The following ATG5 variants were observed in gnomAD, a reference collection of about 807,000 sequenced individuals.
ATG5 encodes autophagy protein 5.
In ATG5, 14 loss-of-function variants were observed where a neutral mutation model predicts 36.5. The observed-to-expected ratio is 0.38, with a 90% CI of 0.25 to 0.60. ATG5 has a LOEUF of 0.60. Among genes scored for constraint, ATG5 ranks in the 20% least tolerant of loss-of-function variants. The pLI is 0.60. For missense variants in ATG5, 195 were observed against 326.7 expected, an observed-to-expected ratio of 0.60 and a Z score of 3.11; for synonymous variants, 95 against 101.5, an observed-to-expected ratio of 0.94 and a Z score of 0.38.
chr6:106,269,033 A>T (rs1351918024), intron 5 of ATG5, among the ~76,000 whole-genome samples: 1 of 152,154 alleles, frequency 6.6e-6, no homozygotes. Flanking sequence ...GTATCCTAGA[A>T]CTTAAAGTAA....
At chr6:106,301,777 A>G (rs1271580909) in intron 3 of ATG5, among the ~76,000 whole-genome samples, 1 of 152,106 alleles carries the variant, frequency 6.6e-6, no homozygotes, top group Non-Finnish European at 1.5e-5. Flanking sequence ...CTGAAATCTG[A>G]AAGACTCTGG....
chr6:106,213,971 C>T (rs768526948), intron 6 of ATG5, among the ~76,000 whole-genome samples: 3 of 152,048 alleles, frequency 2.0e-5, no homozygotes, highest in Non-Finnish European at 4.4e-5. Flanking sequence ...TAAAAAATAA[C>T]TGGTATTCTA....
rs200079794 is a variant in ATG5, at chr6:106,198,786, AAG to A, written c.691+3184_691+3185del. On this transcript the variant is annotated intron_variant, in intron 7 of 7. Coordinates refer to ENST00000369076, the MANE Select transcript of ATG5 (RefSeq NM_004849.4). ...GCGAGACCCTGTCTGGGAAAAAAAAAAGAGAGAGAGTGAGAAAGAGAGAAAGA... is the reference window on the plus strand; with the variant it reads ...GCGAGACCCTGTCTGGGAAAAAAAAAAGAGAGAGTGAGAAAGAGAGAAAGA... 2.0e-5 allele frequency among the ~76,000 whole-genome samples: 3 copies of A among 151,814 alleles called. No individual in the cohort carries two copies. In the South Asian group the frequency reaches 6.2e-4, roughly 32 times the overall value.
At chr6:106,228,235 C>T (rs955379824) in intron 6 of ATG5, among the ~76,000 whole-genome samples, 1 of 152,166 alleles carries the variant, frequency 6.6e-6, no homozygotes, top group Non-Finnish European at 1.5e-5. Flanking sequence ...TGTTACGGCT[C>T]GAGCTGAGCT....
At chr6:106,233,053 T>C (rs1425240909) in intron 6 of ATG5, among the ~76,000 whole-genome samples, 1 of 152,178 alleles carries the variant, frequency 6.6e-6, no homozygotes, top group African/African-American at 2.4e-5. Flanking sequence ...ATGTGGATGA[T>C]TTTTACTTTT....
chr6:106,301,190 A>G (rs541763064), intron 3 of ATG5, among the ~76,000 whole-genome samples: 18 of 152,218 alleles, frequency 1.2e-4, no homozygotes, highest in African/African-American at 3.4e-4. Context: ...ATTTTGAGTT[A>G]GGCCAGCACT....
At chr6:106,290,864 T>C (rs552604656) in intron 4 of ATG5, among the ~76,000 whole-genome samples, 16 of 152,312 alleles carry the variant, frequency 1.1e-4, no homozygotes, top group South Asian at 4.1e-4. Flanking sequence ...ATCAGAAAAT[T>C]ATTTAAGAAT....
chr6:106,210,690 T>C (rs1008564673), intron 6 of ATG5, among the ~76,000 whole-genome samples: 5 of 152,250 alleles, frequency 3.3e-5, no homozygotes, highest in Non-Finnish European at 4.4e-5. Context: ...TGTCAATTAG[T>C]ACCTATATGA....
chr6:106,192,522 A>G (rs1007264169), intron 7 of ATG5, among the ~76,000 whole-genome samples: 11 of 152,204 alleles, frequency 7.2e-5, no homozygotes, highest in African/African-American at 2.7e-4. Flanking sequence ...AAGGAGGCTT[A>G]AAGAAATGGA....
chr6:106,246,385 C>CTCTG, intron 6 of ATG5, among the ~76,000 whole-genome samples: 1 of 95,700 alleles, frequency 1.0e-5, no homozygotes, highest in Non-Finnish European at 2.0e-5. Flanking sequence ...CTCTCTCTCT[C>CTCTG]TCTCTCTCAC....
intron 6 of ATG5, among the ~76,000 whole-genome samples, chr6:106,214,785 G>A (rs946408891): frequency 9.9e-5 from 15 of 152,138 alleles, no homozygotes; most frequent in Non-Finnish European, 1.8e-4. Context: ...TTGGGATCGA[G>A]ATCAATTTGA....
intron 6 of ATG5, among the ~76,000 whole-genome samples, chr6:106,246,435 T>G (rs145951139): frequency 8.0e-6 from 1 of 125,742 alleles, no homozygotes; most frequent in East Asian, 2.3e-4. Context: ...CACACACCCT[T>G]TCTCTCTCTC....
At chr6:106,200,167 C>T (rs1294689498) in intron 7 of ATG5, among the ~76,000 whole-genome samples, 1 of 152,092 alleles carries the variant, frequency 6.6e-6, no homozygotes, top group African/African-American at 2.4e-5. Flanking sequence ...GGCTGAATGA[C>T]ACATATTTTG....
At chr6:106,282,363 C>G (rs1779915448) in intron 4 of ATG5, among the ~76,000 whole-genome samples, 1 of 152,194 alleles carries the variant, frequency 6.6e-6, no homozygotes, top group South Asian at 2.1e-4. Flanking sequence ...ATACATTTTA[C>G]CTGTGTAAAA....
At chr6:106,192,250 G>GT (rs965905436) in intron 7 of ATG5, among the ~76,000 whole-genome samples, 3 of 149,266 alleles carry the variant, frequency 2.0e-5, no homozygotes, top group Non-Finnish European at 3.0e-5. Context: ...AAACATTCAG[G>GT]TAAAAAAAAA....
intron 6 of ATG5, among the ~76,000 whole-genome samples, chr6:106,242,275 C>G (rs569045148): frequency 1.3e-5 from 2 of 151,826 alleles, no homozygotes; most frequent in Non-Finnish European, 1.5e-5. Flanking sequence ...CCACCACACC[C>G]AGCCAAAAAA....
chr6:106,186,498 T>A lies in ATG5; in HGVS notation c.*42A>T, dbSNP rs1418157828. On this transcript the variant is annotated 3_prime_UTR_variant, in exon 8 of 8. Transcript: ENST00000369076. ...CAAAAGGGTGACATGCTCTGATAAA[T>A]CCCATTTAAGGATGATTCTGTTCAG... 4.4e-6 allele frequency: 7 copies of A among 1,605,776 alleles called. No individual in the cohort carries two copies. The highest frequency in any genetic ancestry group is 6.0e-6 in the Non-Finnish European group (7 of 1,173,518).
intron 1 of ATG5, among the ~76,000 whole-genome samples, chr6:106,320,378 AG>A (rs1562274364): frequency 6.6e-6 from 1 of 152,228 alleles, no homozygotes; most frequent in East Asian, 1.9e-4. Flanking sequence ...ACAGGCAAAA[AG>A]ATGACAAATA....
At chr6:106,222,860 T>C (rs564663727) in intron 6 of ATG5, among the ~76,000 whole-genome samples, 3 of 152,270 alleles carry the variant, frequency 2.0e-5, no homozygotes, top group Non-Finnish European at 4.4e-5. Context: ...ATTAAATAAA[T>C]ACATGTAAAA....
Sources: allele counts gnomAD v4.1 joint callset (sites outside exome capture counted in the v4.1 genomes callset), GRCh38; gene constraint gnomAD v4.1.1; transcripts MANE v1.5; gene names NCBI Gene and HGNC (gene_info 2026-07-23, HGNC 2026-07-21).